PKP4: variants seen among roughly 807,000 people sequenced by gnomAD.
PKP4 encodes plakophilin-4.
PKP4 carries 90 observed loss-of-function variants against 145.1 expected under a neutral mutation model. That is an observed-to-expected ratio of 0.62 (90% CI 0.52 to 0.74). The LOEUF (loss-of-function observed/expected upper bound fraction) is 0.74. PKP4 is among the 30% of genes least tolerant of loss of function. The pLI, the probability that PKP4 is intolerant of heterozygous loss-of-function variation, is 0.00. For missense variants in PKP4, 1,340 were observed against 1,482.7 expected, an observed-to-expected ratio of 0.90 and a Z score of 1.58; for synonymous variants, 563 against 577.2, an observed-to-expected ratio of 0.98 and a Z score of 0.35.
chr2:158,612,132 CAT>C (rs1574777824), intron 4 of PKP4, among the ~76,000 whole-genome samples: 1 of 151,856 alleles, frequency 6.6e-6, no homozygotes, highest in East Asian at 1.9e-4. Flanking sequence ...CACACACACA[CAT>C]AATGTATAGG....
chr2:158,550,997 A>T (rs1436695558), intron 2 of PKP4, among the ~76,000 whole-genome samples: 1 of 152,248 alleles, frequency 6.6e-6, no homozygotes, highest in African/African-American at 2.4e-5. Flanking sequence ...ATGTGACCAT[A>T]TATTCAAATT....
chr2:158,632,817 A>G (rs1395296260), intron 8 of PKP4, among the ~76,000 whole-genome samples: 2 of 152,190 alleles, frequency 1.3e-5, no homozygotes, highest in African/African-American at 4.8e-5. Context: ...AAAATGTACC[A>G]TTTCTAATAG....
At chr2:158,465,648 T>G (rs1024587473) in intron 1 of PKP4, among the ~76,000 whole-genome samples, 1 of 152,226 alleles carries the variant, frequency 6.6e-6, no homozygotes, top group Non-Finnish European at 1.5e-5. Flanking sequence ...CCCATTGTTA[T>G]GAATAAACAG....
intron 9 of PKP4, among the ~76,000 whole-genome samples, chr2:158,639,775 A>G (rs2054121853): frequency 6.6e-6 from 1 of 152,236 alleles, no homozygotes; most frequent in Non-Finnish European, 1.5e-5. Context: ...GTTCAAAAAA[A>G]TGGTATAGCA....
rs184766542 is a variant in PKP4, at chr2:158,536,619, T to G, written c.132+3303T>G. Among the ~76,000 whole-genome samples, 21 of 152,336 alleles carry G rather than the reference T, an allele frequency of 1.4e-4. No homozygotes were observed. The East Asian group carries it at 4.1e-3, about 29-fold the overall frequency. Reference sequence around the variant, plus strand: ...ATAAAACAGTGAAATCTTTCTTCACTGGGCTATGCTTTCCCTAGAATCCTC... The same window carrying G: ...ATAAAACAGTGAAATCTTTCTTCACGGGGCTATGCTTTCCCTAGAATCCTC... On this transcript the variant is annotated intron_variant, in intron 2 of 21. Coordinates refer to ENST00000389759, the MANE Select transcript of PKP4 (RefSeq NM_003628.6).
At chr2:158,488,752 G>A (rs1013315417) in intron 1 of PKP4, among the ~76,000 whole-genome samples, 1 of 152,152 alleles carries the variant, frequency 6.6e-6, no homozygotes, top group African/African-American at 2.4e-5. Context: ...TCCAATAATA[G>A]CAGTGTTAAC....
chr2:158,510,035 T>G (rs151188814), intron 1 of PKP4, among the ~76,000 whole-genome samples: 2 of 152,122 alleles, frequency 1.3e-5, no homozygotes, highest in Admixed American at 6.5e-5. Flanking sequence ...TTCCTTGACT[T>G]GTGGTTATTT....
rs1318797265 is a variant in PKP4, at chr2:158,676,775, T to C, written c.3164T>C (p.Ile1055Thr). Residue 1055 changes from isoleucine (I) to threonine (T), a missense_variant, in exon 20 of 22, where the codon ATC becomes ACC. By Grantham distance (89) the Ile-to-Thr change is moderately conservative (BLOSUM62 -1). Coordinates refer to ENST00000389759, the MANE Select transcript of PKP4 (RefSeq NM_003628.6). Reference protein sequence around the residue: ...STSSSPALLGIRDPRSEYDRT... With the variant: ...STSSSPALLGTRDPRSEYDRT... ...TCTTCCTCACCAGCACTGTTAGGAA[T>C]CAGAGACCCTCGCTCTGAATACGAT... 1.2e-6 allele frequency: 2 copies of C among 1,613,988 alleles called. No homozygotes were observed. The highest frequency in any genetic ancestry group is 2.2e-5 in the East Asian group (1 of 44,882).
At chr2:158,491,367 T>A (rs1694913174) in intron 1 of PKP4, among the ~76,000 whole-genome samples, 1 of 152,204 alleles carries the variant, frequency 6.6e-6, no homozygotes, top group Non-Finnish European at 1.5e-5. Flanking sequence ...TCCATCTATA[T>A]GTCTCCACAA....
At chr2:158,590,550 A>G (rs1233487452) in intron 3 of PKP4, among the ~76,000 whole-genome samples, 4 of 152,042 alleles carry the variant, frequency 2.6e-5, no homozygotes, top group Admixed American at 6.6e-5. Flanking sequence ...ATTATCAACC[A>G]TAATACAAGA....
At chr2:158,661,223 C>G in intron 12 of PKP4, 110 bp from the exon 13 acceptor site, 1 of 752,578 alleles carries the variant, frequency 1.3e-6, no homozygotes, top group Non-Finnish European at 2.3e-6. Flanking sequence ...CCTCCGACCT[C>G]TAAGTGGCTG....
chr2:158,506,976 G>A (rs918467916), intron 1 of PKP4, among the ~76,000 whole-genome samples: 1 of 152,188 alleles, frequency 6.6e-6, no homozygotes, highest in Non-Finnish European at 1.5e-5. Flanking sequence ...GCTACTATTT[G>A]TCTCTCCTAA....
chr2:158,549,280 A>G (rs1397491874), intron 2 of PKP4: 1 of 152,700 alleles, frequency 6.5e-6, no homozygotes, highest in Non-Finnish European at 1.5e-5. Context: ...CCTTCCAAAA[A>G]TAAATTAAGT....
At chr2:158,585,072 T>G (rs1449344300) in intron 3 of PKP4, among the ~76,000 whole-genome samples, 1 of 152,202 alleles carries the variant, frequency 6.6e-6, no homozygotes, top group Non-Finnish European at 1.5e-5. Flanking sequence ...TAATGGCAAC[T>G]TTTGGAAGTA....
At chr2:158,634,346 C>A (rs1053076512) in intron 9 of PKP4, 57 bp downstream of exon 9, 2 of 1,416,220 alleles carry the variant, frequency 1.4e-6, no homozygotes, top group South Asian at 2.3e-5. Flanking sequence ...TCAGCCAGTT[C>A]CTCCATTTTG....
intron 3 of PKP4, among the ~76,000 whole-genome samples, chr2:158,581,038 C>T (rs893353822): frequency 1.2e-4 from 18 of 152,156 alleles, no homozygotes; most frequent in African/African-American, 3.1e-4. Flanking sequence ...CAGGATGCTT[C>T]GGGCACATCA....
intron 1 of PKP4, among the ~76,000 whole-genome samples, chr2:158,488,338 T>C (rs1253918049): frequency 6.6e-6 from 1 of 152,220 alleles, no homozygotes; most frequent in Non-Finnish European, 1.5e-5. Context: ...ATCAACACTT[T>C]TCCGCATTTC....
chr2:158,565,418 TTTC>T (rs2046884155), intron 2 of PKP4, among the ~76,000 whole-genome samples: 4 of 146,414 alleles, frequency 2.7e-5, no homozygotes, highest in South Asian at 4.3e-4. Context: ...GGAACTTCTT[TTTC>T]TTCTTCTTTT....
intron 1 of PKP4, among the ~76,000 whole-genome samples, chr2:158,519,352 C>A (rs1274386825): frequency 6.6e-6 from 1 of 152,180 alleles, no homozygotes; most frequent in African/African-American, 2.4e-5. Flanking sequence ...ACCTGTTCCA[C>A]TTTACTTTCT....
Sources: allele counts gnomAD v4.1 joint callset (sites outside exome capture counted in the v4.1 genomes callset), GRCh38; gene constraint gnomAD v4.1.1; transcripts MANE v1.5; gene names NCBI Gene and HGNC (gene_info 2026-07-23, HGNC 2026-07-21).